Variants in ENO4 observed in about 807,000 individuals in gnomAD.
ENO4 encodes enolase 4, also known as 2-phospho-D-glycerate hydro-lyase.
A neutral mutation model predicts 63.2 loss-of-function variants in ENO4; 53 were observed. The ratio of observed to expected loss-of-function variants is 0.84; its 90% CI spans 0.67 to 1.05. ENO4 has a LOEUF of 1.05. Among genes scored for constraint, ENO4 ranks in the 50% least tolerant of loss-of-function variants. ENO4 has a pLI of 0.00. For synonymous variants in ENO4, 266 were observed against 283.8 expected (o/e 0.94, Z 0.63); for missense variants, 719 against 772.0 (o/e 0.93, Z 0.81).
chr10:116,878,205 A>C (rs1261395748), intron 11 of ENO4, among the ~76,000 whole-genome samples: 1 of 152,190 alleles, frequency 6.6e-6, no homozygotes, highest in Non-Finnish European at 1.5e-5. Context: ...GAGGACATGA[A>C]ACAAATACCA....
chr10:116,891,654 A>G (rs754625016), intron 10 of ENO4, among the ~76,000 whole-genome samples: 10 of 152,212 alleles, frequency 6.6e-5, no homozygotes, highest in Admixed American at 6.5e-5. Flanking sequence ...AGTGAACAGT[A>G]GTGGCATTAC....
chr10:116,855,785 C>T, intron 2 of ENO4, 34 bp downstream of exon 2: 1 of 1,490,492 alleles, frequency 6.7e-7, no homozygotes. Context: ...CTTTAATGTC[C>T]TGGCCCCACT....
At chr10:116,868,485 GGCTGGAATCATCC>G (rs1846602821) in intron 7 of ENO4, 152 bp from the exon 8 acceptor site, 2 of 715,864 alleles carry the variant, frequency 2.8e-6, no homozygotes, top group African/African-American at 3.5e-5. Flanking sequence ...AGTAGGGAGT[GGCTGGAATCATCC>G]CTATGTGCAT....
chr10:116,883,657 C>G, downstream of ENO4: 1 of 152,892 alleles, frequency 6.5e-6, no homozygotes, highest in Non-Finnish European at 1.5e-5. Flanking sequence ...TAATTGTTAC[C>G]TGTACTACTC....
At chr10:116,873,765 G>A (rs1348677190) in intron 9 of ENO4, 22 of 523,770 alleles carry the variant, frequency 4.2e-5, no homozygotes, top group Non-Finnish European at 4.6e-5. Flanking sequence ...GTCCATCTAC[G>A]CAGGCAGCCA....
chr10:116,911,965 T>G, downstream of ENO4: 1 of 716,496 alleles, frequency 1.4e-6, no homozygotes, highest in Non-Finnish European at 2.4e-6. Context: ...TATATATATT[T>G]TTAAATTAGG....
chr10:116,868,606 T>C (rs1846606445), intron 7 of ENO4, 44 bp from the exon 8 acceptor site: 1 of 1,518,356 alleles, frequency 6.6e-7, no homozygotes, highest in African/African-American at 1.4e-5. Flanking sequence ...GCCACAGCCA[T>C]GCTAAAAATT....
intron 10 of ENO4, among the ~76,000 whole-genome samples, chr10:116,898,762 CA>C (rs986571365): frequency 1.3e-5 from 2 of 151,212 alleles, no homozygotes; most frequent in Non-Finnish European, 1.5e-5. Context: ...AACAAACAAA[CA>C]AAAAAAACAC....
chr10:116,849,842 C>T, intron 1 of ENO4, 111 bp downstream of exon 1: 3 of 1,268,534 alleles, frequency 2.4e-6, no homozygotes, highest in Admixed American at 2.4e-5. Flanking sequence ...ATGCCAGCCG[C>T]CCGGGCCCTG....
intron 8 of ENO4, among the ~76,000 whole-genome samples, chr10:116,870,551 G>A (rs1846660168): frequency 6.6e-6 from 1 of 152,180 alleles, no homozygotes; most frequent in East Asian, 1.9e-4. Context: ...TGAGAAAGGA[G>A]GATGACTTCA....
At chr10:116,880,527 ATT>A (rs1846975780) in intron 13 of ENO4, among the ~76,000 whole-genome samples, 1 of 152,104 alleles carries the variant, frequency 6.6e-6, no homozygotes, top group Non-Finnish European at 1.5e-5. Flanking sequence ...ATGCATTTTT[ATT>A]TTCTTATATT....
At position 116,855,755 on chromosome 10, in the gene ENO4, T is replaced by G. The variant is rs774195939; in HGVS notation, c.294+4T>G. On this transcript the variant is annotated splice_donor_region_variant and intron_variant, in intron 2 of 13. Transcript: ENST00000341276. ...CACCATTCAAAACTTTCCCAAGGTATGAGGCAGTTTAAGTGTGTTCTTTAA... is the reference window on the plus strand; with the variant it reads ...CACCATTCAAAACTTTCCCAAGGTAGGAGGCAGTTTAAGTGTGTTCTTTAA... The G allele has an allele frequency of 1.3e-6, 2 of 1,532,704 alleles. No individual in the cohort carries two copies. The highest frequency in any genetic ancestry group is 2.4e-5 in the South Asian group (2 of 83,714). 94.9% of individuals were successfully genotyped at this position (1,532,704 alleles called of 1,614,324 possible). A position where few individuals can be genotyped will look rare whatever the true frequency, so the allele number is the denominator to read the frequency against.
chr10:116,862,937 C>A, intron 7 of ENO4, 85 bp downstream of exon 7: 2 of 946,686 alleles, frequency 2.1e-6, no homozygotes, highest in Non-Finnish European at 1.6e-6. Context: ...GGACTTAAAT[C>A]AATTGTGGTT....
downstream of ENO4, chr10:116,886,374 G>A (rs768992768): frequency 7.1e-6 from 11 of 1,558,074 alleles, no homozygotes; most frequent in South Asian, 2.4e-5. Context: ...TCTCTCTCAC[G>A]TTTTCAATGC....
rs537407359 is a variant in ENO4 at position 116,860,815 on chromosome 10, A to G, written c.656A>G (p.Glu219Gly). The change falls in exon 5 of 14, where the codon GAG becomes GGG. Residue 219 changes from glutamate to glycine, a missense_variant. Coordinates refer to ENST00000341276, the MANE Select transcript of ENO4 (RefSeq NM_001242699.2). ...QKPGRKDTIT[E>G]KPIAPAEPVE... The stretch of plus-strand genomic sequence containing the variant: ...CCAGGGAGGAAGGATACTATTACAG[A>G]GAAACCTATTGCGCCTGCAGAGCCT... 5 of 1,530,032 alleles carry G rather than the reference A, an allele frequency of 3.3e-6. No individual in the cohort carries two copies. Among genetic ancestry groups the G allele is most frequent in the Non-Finnish European group, 3.5e-6 (4 of 1,133,744 alleles). The allele number at this position is 1,530,032 out of a possible 1,614,324, so 94.8% of individuals were successfully genotyped here. A position where few individuals can be genotyped will look rare whatever the true frequency, so the allele number is the denominator to read the frequency against.
At chr10:116,900,506 A>T in intron 10 of ENO4, 1 of 1,497,116 alleles carries the variant, frequency 6.7e-7, no homozygotes, top group African/African-American at 1.4e-5. Context: ...AGACAAAAGG[A>T]GGAAGGAGTT....
rs1421648971 is a variant in ENO4 at position 116,901,639 on chromosome 10, AAAG to A, written c.1195-9852_1195-9850del. On this transcript the variant is annotated intron_variant, in intron 10 of 10. Transcript: ENST00000369207. ...ATGAAAAAGCTGGCCCATCAAATGA[AAAG>A]AAGAAGAGAATTTACCGGCGAGCCA... 6.7e-5 allele frequency: 91 copies of A among 1,353,126 alleles called. No homozygotes were observed. In the Middle Eastern group the frequency reaches 1.9e-3, roughly 28 times the overall value. 83.8% of individuals were successfully genotyped at this position (1,353,126 alleles called of 1,614,324 possible).
chr10:116,874,939 G>C (rs1480425820), intron 10 of ENO4, among the ~76,000 whole-genome samples: 1 of 152,036 alleles, frequency 6.6e-6, no homozygotes, highest in African/African-American at 2.4e-5. Context: ...CTCCCAAAGT[G>C]CTAGAATTAC....
chr10:116,901,955 G>C (rs1480142712), intron 10 of ENO4: 1 of 1,594,658 alleles, frequency 6.3e-7, no homozygotes, highest in Admixed American at 1.8e-5. Context: ...ATCCCAGTTG[G>C]ACCTTAAAAC....
Sources: allele counts gnomAD v4.1 joint callset (sites outside exome capture counted in the v4.1 genomes callset), GRCh38; gene constraint gnomAD v4.1.1; transcripts MANE v1.5; gene names NCBI Gene and HGNC (gene_info 2026-07-23, HGNC 2026-07-21).